Variants in SCFD1 observed in about 807,000 individuals in gnomAD.
SCFD1 encodes sec1 family domain containing 1, also known as sec1 family domain-containing protein 1.
SCFD1 carries 37 observed loss-of-function variants against 103.2 expected under a neutral mutation model. The ratio of observed to expected loss-of-function variants is 0.36; its 90% CI spans 0.28 to 0.47. The LOEUF (loss-of-function observed/expected upper bound fraction) is 0.47, where lower values mean the gene tolerates loss of function less well. Among genes scored for constraint, SCFD1 ranks in the 20% least tolerant of loss-of-function variants. The probability of loss-of-function intolerance (pLI) is 1.00; values close to 1 mark genes in which losing one functional copy is unlikely to be tolerated. For missense variants in SCFD1, 639 were observed against 761.2 expected, an observed-to-expected ratio of 0.84 and a Z score of 1.89; for synonymous variants, 264 against 245.0, an observed-to-expected ratio of 1.08 and a Z score of -0.73.
At chr14:30,656,364 T>G (rs571478645) in intron 10 of SCFD1, among the ~76,000 whole-genome samples, 3 of 152,158 alleles carry the variant, frequency 2.0e-5, no homozygotes, top group African/African-American at 7.2e-5. Context: ...GTCCTGCAGG[T>G]GGCATTAGTG....
chr14:30,712,940 T>C (rs1891993947), intron 19 of SCFD1, among the ~76,000 whole-genome samples: 1 of 152,204 alleles, frequency 6.6e-6, no homozygotes. Flanking sequence ...CACAGACTTT[T>C]TATGTTTCTA....
In SCFD1 at chr14:30,675,025, T is replaced by A; in HGVS notation, c.1202T>A (p.Leu401His). 6.3e-7 allele frequency: 1 copy of A among 1,591,996 alleles called. No homozygotes were observed. Among genetic ancestry groups the A allele is most frequent in the Non-Finnish European group, 8.5e-7 (1 of 1,171,088 alleles). Residue 401 changes from leucine to histidine, a missense_variant, in exon 14 of 25, where the codon CTC becomes CAC. Coordinates refer to ENST00000458591, the MANE Select transcript of SCFD1 (RefSeq NM_016106.4). ...CTTGAGAAAAAAAGACTTATTGATC[T>A]CCATACAAATGTTGCCACTGCTGTT... ...ELLEKKRLID[L>H]HTNVATAVLE...
rs1019627501 is a variant in SCFD1, at chr14:30,719,254, A to T, written c.1684-71A>T. ...AAATTGATAGATTCATTAAAATAGG[A>T]TACTCTAAGCCAAACTGACCTTCTG... On this transcript the variant is annotated intron_variant, in intron 20 of 24. Coordinates refer to ENST00000458591, the MANE Select transcript of SCFD1 (RefSeq NM_016106.4). 8 of 897,662 alleles carry T rather than the reference A, an allele frequency of 8.9e-6. No individual in the cohort carries two copies. The African/African-American group carries it at 1.4e-4, about 15-fold the overall frequency. The allele number at this position is 897,662 out of a possible 1,614,324, so 55.6% of individuals were successfully genotyped here.
At chr14:30,624,120 A>G (rs1484472303) in intron 1 of SCFD1, among the ~76,000 whole-genome samples, 1 of 152,130 alleles carries the variant, frequency 6.6e-6, no homozygotes, top group African/African-American at 2.4e-5. Context: ...TCTCCTGAAA[A>G]ATCTTTATTG....
chr14:30,677,485 C>G (rs1011601292), intron 14 of SCFD1, among the ~76,000 whole-genome samples: 2 of 151,818 alleles, frequency 1.3e-5, no homozygotes, highest in African/African-American at 4.8e-5. Context: ...TCTAAGAAGC[C>G]CAATTAAAAA....
rs1355806351 is a variant in SCFD1 at position 30,628,194 on chromosome 14, A to C, written c.62-15A>C. ...AAAAACAATGACAATATTTGATAAAACTTTTTATTTTCAGTGGCTTTGAAG... is the reference window on the plus strand; with the variant it reads ...AAAAACAATGACAATATTTGATAAACCTTTTTATTTTCAGTGGCTTTGAAG... On this transcript the variant is annotated splice_polypyrimidine_tract_variant and intron_variant, in intron 1 of 24. Transcript: ENST00000458591. The C allele has an allele frequency of 3.1e-6, 5 of 1,592,412 alleles. No homozygotes were observed. The highest frequency in any genetic ancestry group is 4.3e-6 in the Non-Finnish European group (5 of 1,165,460).
At chr14:30,626,265 G>A (rs1361294961) in intron 1 of SCFD1, among the ~76,000 whole-genome samples, 1 of 151,930 alleles carries the variant, frequency 6.6e-6, no homozygotes, top group Admixed American at 6.6e-5. Flanking sequence ...TTTTTGGCTG[G>A]ACATTAGGTA....
chr14:30,727,153 T>C (rs575002216), intron 23 of SCFD1, among the ~76,000 whole-genome samples: 21 of 152,286 alleles, frequency 1.4e-4, no homozygotes, highest in Middle Eastern at 6.8e-3. Context: ...TTTTTAACCT[T>C]AGTGCCTTCC....
intron 19 of SCFD1, among the ~76,000 whole-genome samples, chr14:30,709,349 G>A (rs1891702564): frequency 6.6e-6 from 1 of 151,974 alleles, no homozygotes; most frequent in African/African-American, 2.4e-5. Context: ...CCAGGCTGGA[G>A]TGCAGTGATG....
At chr14:30,673,734 A>G (rs17363198) in intron 12 of SCFD1, among the ~76,000 whole-genome samples, 190 bp from the exon 13 acceptor site, 27 of 152,290 alleles carry the variant, frequency 1.8e-4, no homozygotes, top group Non-Finnish European at 3.5e-4. Flanking sequence ...GGCGATTACT[A>G]GAACTTTTAT....
intron 8 of SCFD1, 46 bp downstream of exon 8, chr14:30,649,629 ATTGTT>A: frequency 7.0e-7 from 1 of 1,424,504 alleles, no homozygotes; most frequent in Non-Finnish European, 9.6e-7. Flanking sequence ...CATTGTGTGA[ATTGTT>A]TTCCCACAAG....
intron 7 of SCFD1, among the ~76,000 whole-genome samples, chr14:30,648,496 G>T (rs1267422437): frequency 1.3e-5 from 2 of 151,980 alleles, no homozygotes; most frequent in African/African-American, 4.8e-5. Flanking sequence ...ATTTTTTATT[G>T]TCAATTTGTA....
intron 12 of SCFD1, 74 bp from the exon 13 acceptor site, chr14:30,673,850 T>A: frequency 9.9e-7 from 1 of 1,008,052 alleles, no homozygotes; most frequent in South Asian, 1.3e-5. Context: ...TTTGCTCCAA[T>A]CTTAGGATGT....
rs1887965235 is a variant in SCFD1 at position 30,666,322 on chromosome 14, G to A, written c.856-3934G>A. ...GAATGACTAATGGGTAAATAACGAA[G>A]GCAGAAATAAAGATGTTCTTTGAAA... On this transcript the variant is annotated intron_variant, in intron 10 of 24. Transcript: ENST00000458591. Among the ~76,000 whole-genome samples, 3 of 150,208 alleles carry A rather than the reference G, an allele frequency of 2.0e-5. No individual in the cohort carries two copies. In the South Asian group the frequency reaches 6.3e-4, roughly 31 times the overall value.
At chr14:30,675,627 C>T (rs887590161) in intron 14 of SCFD1, among the ~76,000 whole-genome samples, 9 of 152,022 alleles carry the variant, frequency 5.9e-5, no homozygotes, top group African/African-American at 2.2e-4. Context: ...TTAATCAGTC[C>T]TTCAGTATTC....
chr14:30,643,785 C>A (rs949975414), intron 7 of SCFD1: 2 of 300,232 alleles, frequency 6.7e-6, no homozygotes, highest in Non-Finnish European at 1.3e-5. Context: ...GTTCAGATGC[C>A]CAAGGCTCCA....
chr14:30,720,742 G>A (rs1892598703), intron 21 of SCFD1, among the ~76,000 whole-genome samples: 8 of 152,100 alleles, frequency 5.3e-5, no homozygotes, highest in Admixed American at 4.6e-4. Flanking sequence ...TATATAGGAA[G>A]ATGTGAGTAG....
chr14:30,624,142 G>A (rs1325929141), intron 1 of SCFD1, among the ~76,000 whole-genome samples: 2 of 152,116 alleles, frequency 1.3e-5, no homozygotes, highest in Admixed American at 1.3e-4. Flanking sequence ...TCTTTTGAAG[G>A]TCATCCCACA....
rs1238099202 is a variant in SCFD1 at position 30,689,891 on chromosome 14, G to T, written c.1243-4882G>T. Among the ~76,000 whole-genome samples the T allele has an allele frequency of 5.0e-5, 6 of 120,844 alleles. No homozygotes were observed. The South Asian group carries it at 9.7e-4, about 20-fold the overall frequency. The allele number at this position is 120,844 out of a possible 152,430, so 79.3% of individuals were successfully genotyped here. On this transcript the variant is annotated intron_variant, in intron 14 of 24. Transcript: ENST00000458591. ...CTTTGGAGGAGGAGAGGCGCTCTGC[G>T]TTTTAGAGTTTCCAGTTTTTCTGTT...
Sources: gnomAD v4.1 joint callset for allele counts (sites outside exome capture counted in the v4.1 genomes callset) on GRCh38, gnomAD v4.1.1 for gene constraint, MANE v1.5 for transcripts, NCBI Gene and HGNC (gene_info 2026-07-23, HGNC 2026-07-21) for gene names.